The following EYS variants were observed in gnomAD, a reference collection of about 807,000 sequenced individuals.
EYS encodes protein eyes shut homolog.
Under a neutral mutation model 282.1 loss-of-function variants are expected in EYS, and 250 were observed. The observed-to-expected ratio is 0.89, with a 90% CI of 0.80 to 0.98. EYS has a LOEUF of 0.98. Ranked by LOEUF, EYS falls within the 50% of genes least tolerant of loss-of-function variation. The pLI is 0.00. For missense variants in EYS, 4,016 were observed against 3,709.0 expected (o/e 1.08, Z -2.15); for synonymous variants, 1,355 against 1,282.9 (o/e 1.06, Z -1.20).
chr6:64,201,591 C>A (rs890439792), intron 31 of EYS, among the ~76,000 whole-genome samples: 2 of 151,928 alleles, frequency 1.3e-5, no homozygotes, highest in Non-Finnish European at 2.9e-5. Context: ...GCCTAAATAG[C>A]CCTATTACGT....
chr6:65,203,769 A>G (rs1374308270), intron 12 of EYS, among the ~76,000 whole-genome samples: 1 of 152,206 alleles, frequency 6.6e-6, no homozygotes, highest in Non-Finnish European at 1.5e-5. Context: ...AAAGAATTTA[A>G]GATATGCATT....
chr6:64,704,032 AT>A (rs1770887565), intron 22 of EYS, among the ~76,000 whole-genome samples: 1 of 152,050 alleles, frequency 6.6e-6, no homozygotes, highest in Admixed American at 6.6e-5. Context: ...TCTACATCTA[AT>A]AATAAATCCT....
At chr6:63,990,064 G>T (rs2149795765) in intron 34 of EYS, among the ~76,000 whole-genome samples, 1 of 151,676 alleles carries the variant, frequency 6.6e-6, no homozygotes, top group South Asian at 2.1e-4. Flanking sequence ...AAACTGAGTT[G>T]CTACTTTGTG....
intron 19 of EYS, among the ~76,000 whole-genome samples, chr6:64,863,593 T>A (rs1299474091): frequency 6.6e-6 from 1 of 152,188 alleles, no homozygotes; most frequent in Non-Finnish European, 1.5e-5. Flanking sequence ...TGGCCTGACT[T>A]GTTGCTTATC....
chr6:65,660,226 C>T (rs1383336990), intron 1 of EYS, among the ~76,000 whole-genome samples: 1 of 151,714 alleles, frequency 6.6e-6, no homozygotes, highest in Non-Finnish European at 1.5e-5. Context: ...GGAATAAATA[C>T]TATTTTCCTT....
chr6:65,334,884 A>G (rs1769924453), intron 11 of EYS, 96 bp downstream of exon 11: 1 of 1,179,358 alleles, frequency 8.5e-7, no homozygotes, highest in African/African-American at 1.5e-5. Flanking sequence ...ATTTTAATCA[A>G]CAAAAACATT....
chr6:64,742,883 T>C (rs924061177), intron 22 of EYS, among the ~76,000 whole-genome samples: 1 of 152,068 alleles, frequency 6.6e-6, no homozygotes, highest in Non-Finnish European at 1.5e-5. Context: ...CTTCTCACAT[T>C]ACGAGGCAAG....
At chr6:64,082,725 A>T (rs907033852) in intron 31 of EYS, among the ~76,000 whole-genome samples, 5 of 152,170 alleles carry the variant, frequency 3.3e-5, no homozygotes, top group Non-Finnish European at 5.9e-5. Context: ...TTAGACTTAT[A>T]GAATTATTTG....
chr6:65,029,367 A>T (rs1274243516), intron 13 of EYS, among the ~76,000 whole-genome samples: 1 of 152,320 alleles, frequency 6.6e-6, no homozygotes, highest in Non-Finnish European at 1.5e-5. Context: ...TGATATACAT[A>T]CATTTATATG....
chr6:65,633,732 C>T (rs892979942), intron 2 of EYS, among the ~76,000 whole-genome samples: 4 of 152,162 alleles, frequency 2.6e-5, no homozygotes, highest in Admixed American at 2.6e-4. Flanking sequence ...ATTTCTCACA[C>T]TTTTATAGAG....
chr6:63,881,503 A>G (rs1773131590), intron 35 of EYS, among the ~76,000 whole-genome samples: 1 of 152,178 alleles, frequency 6.6e-6, no homozygotes. Flanking sequence ...ATACTTTGGT[A>G]ACTAATATAT....
At chr6:64,337,151 AC>A (rs534792640) in intron 29 of EYS, among the ~76,000 whole-genome samples, 1 of 151,912 alleles carries the variant, frequency 6.6e-6, no homozygotes, top group Non-Finnish European at 1.5e-5. Flanking sequence ...TGAAATTGAA[AC>A]AACAACAACA....
intron 19 of EYS, among the ~76,000 whole-genome samples, chr6:64,832,422 G>C (rs1318746003): frequency 6.6e-6 from 1 of 151,796 alleles, no homozygotes; most frequent in Non-Finnish European, 1.5e-5. Context: ...ATAGTAGAAT[G>C]GTGGTTTCTA....
At chr6:65,618,424 T>C (rs1326001916) in intron 2 of EYS, among the ~76,000 whole-genome samples, 6 of 152,260 alleles carry the variant, frequency 3.9e-5, no homozygotes, top group Non-Finnish European at 7.3e-5. Flanking sequence ...TGTATATTTG[T>C]TTGAGTTCAT....
chr6:65,660,033 C>T (rs977964429), intron 1 of EYS, among the ~76,000 whole-genome samples: 3 of 151,594 alleles, frequency 2.0e-5, no homozygotes, highest in East Asian at 3.9e-4. Flanking sequence ...ACAGGACTGG[C>T]TGTATAAATG....
chr6:64,798,073 A>T (rs116714570), intron 22 of EYS, among the ~76,000 whole-genome samples: 6,306 of 152,040 alleles, frequency 0.041, 154 homozygotes, highest in East Asian at 0.073. Flanking sequence ...TAACAAATAA[A>T]TATTAAGTAA....
At chr6:64,582,372 T>G (rs1373729880) in intron 26 of EYS, among the ~76,000 whole-genome samples, 2 of 152,120 alleles carry the variant, frequency 1.3e-5, no homozygotes, top group East Asian at 3.9e-4. Flanking sequence ...TGCCTGGTGA[T>G]CTGAAGTAGA....
intron 5 of EYS, among the ~76,000 whole-genome samples, chr6:65,406,829 T>C (rs1182000201): frequency 1.3e-5 from 2 of 152,144 alleles, no homozygotes; most frequent in African/African-American, 4.8e-5. Flanking sequence ...TTATGTGCAA[T>C]AACCCATTGA....
chr6:65,229,791 A>G (rs1474603372), intron 12 of EYS, among the ~76,000 whole-genome samples: 1 of 151,976 alleles, frequency 6.6e-6, no homozygotes, highest in African/African-American at 2.4e-5. Flanking sequence ...TGATATCTGG[A>G]CAGTTTGCTG....
Sources: gnomAD v4.1 joint callset for allele counts (sites outside exome capture counted in the v4.1 genomes callset) on GRCh38, gnomAD v4.1.1 for gene constraint, MANE v1.5 for transcripts, NCBI Gene and HGNC (gene_info 2026-07-23, HGNC 2026-07-21) for gene names.